MGAT5: variants seen among roughly 807,000 people sequenced by gnomAD.
MGAT5 encodes alpha-1,6-mannosylglycoprotein 6-beta-N-acetylglucosaminyltransferase A.
A neutral mutation model predicts 94.3 loss-of-function variants in MGAT5; 30 were observed. The observed-to-expected ratio is 0.32, with a 90% CI of 0.24 to 0.43. The LOEUF (loss-of-function observed/expected upper bound fraction) is 0.43. Ranked by LOEUF, MGAT5 falls within the 20% of genes least tolerant of loss-of-function variation. The pLI is 1.00. For synonymous variants in MGAT5, 310 were observed against 322.9 expected, an observed-to-expected ratio of 0.96 and a Z score of 0.43; for missense variants, 691 against 905.5, an observed-to-expected ratio of 0.76 and a Z score of 3.04.
chr2:134,278,711 A>G lies in MGAT5; in HGVS notation c.406+8161A>G, dbSNP rs183959694. ...CTAAATTTCTGCCTCCATTTTAAGC[A>G]CTACTGTGGCCAAATGTGCCTCAGC... On this transcript the variant is annotated intron_variant, in intron 2 of 15. Coordinates refer to ENST00000281923, the MANE Select transcript of MGAT5 (RefSeq NM_002410.5). Among the ~76,000 whole-genome samples the G allele has an allele frequency of 2.4e-3, 368 of 152,246 alleles. 13 individuals are homozygous for G. The highest frequency in any genetic ancestry group is 0.024 in the Admixed American group (366 of 15,288).
chr2:134,332,920 A>G (rs1378059239), intron 4 of MGAT5, among the ~76,000 whole-genome samples: 1 of 152,178 alleles, frequency 6.6e-6, no homozygotes, highest in Non-Finnish European at 1.5e-5. Flanking sequence ...GCAATCATTA[A>G]AAAGTCAGGA....
At chr2:134,414,350 T>C (rs182488688) in intron 12 of MGAT5, among the ~76,000 whole-genome samples, 3 of 152,280 alleles carry the variant, frequency 2.0e-5, no homozygotes, top group Admixed American at 1.3e-4. Flanking sequence ...ACCTATTCTT[T>C]TGAAAAGTTT....
chr2:134,246,167 T>A (rs375039058), intron 1 of MGAT5, among the ~76,000 whole-genome samples: 95 of 130,420 alleles, frequency 7.3e-4, no homozygotes, highest in Non-Finnish European at 7.3e-4. Context: ...TTCCTGTTTA[T>A]AAAAAAAAAA....
chr2:134,270,649 AT>A lies in MGAT5; in HGVS notation c.406+100del, dbSNP rs1345541644. ...AGTGGTTCTTACTGGAACCTGCATA[AT>A]ATAAATTCTATAAACTTGGCATGGC... On this transcript the variant is annotated intron_variant, in intron 2 of 15. Transcript: ENST00000281923. The A allele has an allele frequency of 2.5e-6, 3 of 1,210,456 alleles. No homozygotes were observed. The African/African-American group carries it at 4.6e-5, about 19-fold the overall frequency. 75.0% of individuals were successfully genotyped at this position (1,210,456 alleles called of 1,614,324 possible).
chr2:134,306,277 T>A (rs1686323125), intron 2 of MGAT5, among the ~76,000 whole-genome samples: 1 of 147,500 alleles, frequency 6.8e-6, no homozygotes, highest in Non-Finnish European at 1.5e-5. Flanking sequence ...AATGAATACA[T>A]GCAGAGTTTT....
chr2:134,259,118 C>T (rs966847696), intron 1 of MGAT5, among the ~76,000 whole-genome samples: 6 of 152,180 alleles, frequency 3.9e-5, no homozygotes, highest in Non-Finnish European at 5.9e-5. Flanking sequence ...ACATTCAGTG[C>T]GTTTGTTCTT....
At chr2:134,417,103 A>G (rs1375341181) in intron 12 of MGAT5, among the ~76,000 whole-genome samples, 1 of 152,070 alleles carries the variant, frequency 6.6e-6, no homozygotes, top group Non-Finnish European at 1.5e-5. Flanking sequence ...ATTGGTATAC[A>G]AGTATTTTGA....
chr2:134,174,686 C>T (rs55776267), intron 1 of MGAT5, among the ~76,000 whole-genome samples: 2,535 of 152,330 alleles, frequency 0.017, 25 homozygotes, highest in Non-Finnish European at 0.026. Context: ...TAAAATAAAG[C>T]ACCTTCATTG....
intron 9 of MGAT5, among the ~76,000 whole-genome samples, chr2:134,353,084 T>A (rs1340471394): frequency 6.6e-6 from 1 of 152,126 alleles, no homozygotes; most frequent in African/African-American, 2.4e-5. Context: ...GGTTTCAGTA[T>A]TACAAGATGA....
chr2:134,261,948 G>T (rs1004508479), intron 1 of MGAT5, among the ~76,000 whole-genome samples: 1 of 152,160 alleles, frequency 6.6e-6, no homozygotes, highest in African/African-American at 2.4e-5. Context: ...CATCTAAGAG[G>T]CTCCAAGTAG....
At chr2:134,237,796 G>A (rs987933128) in intron 1 of MGAT5, among the ~76,000 whole-genome samples, 13 of 149,588 alleles carry the variant, frequency 8.7e-5, no homozygotes, top group Non-Finnish European at 1.5e-4. Flanking sequence ...TGTCACTCAG[G>A]TTGGAGTGCA....
intron 1 of MGAT5, among the ~76,000 whole-genome samples, chr2:134,230,907 A>G (rs1681329651): frequency 6.6e-6 from 1 of 152,220 alleles, no homozygotes; most frequent in Admixed American, 6.5e-5. Context: ...CAATTGATGA[A>G]TAGATCAACA....
chr2:134,307,102 T>A (rs1478490267), intron 2 of MGAT5, among the ~76,000 whole-genome samples: 1 of 152,164 alleles, frequency 6.6e-6, no homozygotes, highest in Non-Finnish European at 1.5e-5. Context: ...GCCGATGGGA[T>A]GACGGCATTT....
intron 1 of MGAT5, among the ~76,000 whole-genome samples, chr2:134,220,382 C>T (rs73958169): frequency 0.019 from 2,925 of 152,158 alleles, 93 homozygotes; most frequent in East Asian, 0.13. Context: ...AAAAGGCACA[C>T]AAGATGGTGT....
upstream of MGAT5, among the ~76,000 whole-genome samples, chr2:134,251,386 T>C (rs3762485): frequency 0.017 from 2,600 of 152,152 alleles, 34 homozygotes; most frequent in African/African-American, 0.031. Flanking sequence ...AGAGGGCAGG[T>C]GCTAGTTGGC....
At chr2:134,208,403 T>C (rs1680124388) in intron 1 of MGAT5, among the ~76,000 whole-genome samples, 1 of 152,208 alleles carries the variant, frequency 6.6e-6, no homozygotes, top group African/African-American at 2.4e-5. Context: ...AAAAACCTTA[T>C]TAGACCATCC....
intron 1 of MGAT5, among the ~76,000 whole-genome samples, chr2:134,171,727 C>G (rs2105118764): frequency 6.6e-6 from 1 of 152,222 alleles, no homozygotes; most frequent in East Asian, 1.9e-4. Context: ...CCGTCCTTGT[C>G]CTTGTGATTT....
chr2:134,126,431 G>T (rs916728015), intron 1 of MGAT5, among the ~76,000 whole-genome samples: 3 of 152,120 alleles, frequency 2.0e-5, no homozygotes, highest in African/African-American at 7.2e-5. Context: ...CTATACATGT[G>T]GCAAAAGGCT....
intron 1 of MGAT5, among the ~76,000 whole-genome samples, chr2:134,187,680 C>T (rs562875369): frequency 8.5e-5 from 13 of 152,234 alleles, no homozygotes; most frequent in African/African-American, 2.9e-4. Context: ...GTTGCTATGT[C>T]CCGAGTGTCT....
Sources: allele counts gnomAD v4.1 joint callset (sites outside exome capture counted in the v4.1 genomes callset), GRCh38; gene constraint gnomAD v4.1.1; transcripts MANE v1.5; gene names NCBI Gene and HGNC (gene_info 2026-07-23, HGNC 2026-07-21).